The following FBXO11 variants were observed in gnomAD, a reference collection of about 807,000 sequenced individuals.
The protein encoded by FBXO11 is F-box protein 11.
Under a neutral mutation model 117.0 loss-of-function variants are expected in FBXO11, and 13 were observed. That is an observed-to-expected ratio of 0.11 (90% confidence interval 0.07 to 0.18). The LOEUF is 0.18. Ranked by LOEUF, FBXO11 falls within the 10% of genes least tolerant of loss-of-function variation. FBXO11 has a pLI of 1.00. For missense variants in FBXO11, 767 were observed against 1,164.4 expected, an observed-to-expected ratio of 0.66 and a Z score of 4.97; for synonymous variants, 490 against 380.5, an observed-to-expected ratio of 1.29 and a Z score of -3.35.
intron 11 of FBXO11, among the ~76,000 whole-genome samples, chr2:47,826,819 G>A (rs1671790050): frequency 6.6e-6 from 1 of 152,106 alleles, no homozygotes; most frequent in Non-Finnish European, 1.5e-5. Context: ...AGGATGGAGT[G>A]CAGTGGCCCA....
chr2:47,865,008 A>T (rs1175596410), intron 1 of FBXO11, among the ~76,000 whole-genome samples: 1 of 152,236 alleles, frequency 6.6e-6, no homozygotes, highest in African/African-American at 2.4e-5. Context: ...CTATTTATAG[A>T]GTAAAATTTT....
At chr2:47,894,339 A>C (rs192469963) in intron 1 of FBXO11, among the ~76,000 whole-genome samples, 1 of 152,366 alleles carries the variant, frequency 6.6e-6, no homozygotes, top group Non-Finnish European at 1.5e-5. Context: ...AGGGTAGTCA[A>C]GAATATGCAG....
rs543126815 is a variant in FBXO11 at position 47,845,900 on chromosome 2, C to A, written c.233-6131G>T. 3.6e-4 allele frequency among the ~76,000 whole-genome samples: 54 copies of A among 148,748 alleles called. 1 individual carries two copies. Among genetic ancestry groups the A allele is most frequent in the Admixed American group, 1.1e-3 (17 of 15,030 alleles). ...TCCTACTTTACAGGAAAAAAAAAAA[C>A]CAAACAAGAACTGCCTTAACTTCCT... On this transcript the variant is annotated intron_variant, in intron 1 of 22. Transcript: ENST00000403359.
chr2:47,808,102 T>C lies in FBXO11; in HGVS notation c.*16A>G, dbSNP rs1232122085. The C allele has an allele frequency of 2.5e-6, 4 of 1,593,378 alleles. No individual in the cohort carries two copies. Among genetic ancestry groups the C allele is most frequent in the East Asian group, 4.5e-5 (2 of 44,800 alleles). On this transcript the variant is annotated 3_prime_UTR_variant, in exon 23 of 23. Coordinates refer to ENST00000403359, the MANE Select transcript of FBXO11 (RefSeq NM_001190274.2). Reference sequence around the variant, plus strand: ...ATGATGTTACAATGGCAGGACTTTTTCTTTAGGGAAGGAATTCAGTTGTGC... The same window carrying C: ...ATGATGTTACAATGGCAGGACTTTTCCTTTAGGGAAGGAATTCAGTTGTGC...
chr2:47,834,331 C>G (rs1672401909), intron 7 of FBXO11, among the ~76,000 whole-genome samples: 1 of 151,530 alleles, frequency 6.6e-6, no homozygotes, highest in Non-Finnish European at 1.5e-5. Flanking sequence ...GCCTGAGTGA[C>G]ATAGCTAGAC....
At chr2:47,892,290 T>C (rs1211289765) in intron 1 of FBXO11, among the ~76,000 whole-genome samples, 1 of 152,218 alleles carries the variant, frequency 6.6e-6, no homozygotes, top group Admixed American at 6.5e-5. Flanking sequence ...GCCACCACCA[T>C]CTCAAGATAT....
chr2:47,838,996 A>G lies in FBXO11; in HGVS notation c.450T>C (p.Pro150=), dbSNP rs1488250658. ...GTTTCTCCTGAAGATACTGTTCAGC[A>G]GGTGCTGCTATAAAGAGATTAACAT... is the stretch of plus-strand genomic sequence containing the variant. ...SGKSQDLSAA[P]AEQYLQEKLP... Residue 150 remains proline (P), a synonymous_variant, in exon 4 of 23, where the codon CCT becomes CCC. Coordinates refer to ENST00000403359, the MANE Select transcript of FBXO11 (RefSeq NM_001190274.2). 1 of 1,613,332 alleles carries G rather than the reference A, an allele frequency of 6.2e-7. No homozygotes were observed. Among genetic ancestry groups the G allele is most frequent in the Non-Finnish European group, 8.5e-7 (1 of 1,179,612 alleles).
chr2:47,853,807 C>A (rs1674067010), intron 1 of FBXO11, among the ~76,000 whole-genome samples: 4 of 152,112 alleles, frequency 2.6e-5, no homozygotes, highest in African/African-American at 9.7e-5. Context: ...TTACCAAGGT[C>A]CACTCAAAAT....
intron 1 of FBXO11, among the ~76,000 whole-genome samples, chr2:47,892,307 A>C (rs17037040): frequency 0.055 from 8,373 of 152,314 alleles, 249 homozygotes; most frequent in Non-Finnish European, 0.069. Flanking sequence ...ATATTAGTTA[A>C]CATTTCACCA....
At position 47,847,981 on chromosome 2, in the gene FBXO11, G is replaced by T. The variant is rs559456640; in HGVS notation, c.233-8212C>A. On this transcript the variant is annotated intron_variant, in intron 1 of 22. Transcript: ENST00000403359. ...CTACTAAAAATACAAAAAATTAGCC[G>T]GGCGTGGTGACGGGTGCTTGTAGTC... Among the ~76,000 whole-genome samples, 10 of 151,734 alleles carry T rather than the reference G, an allele frequency of 6.6e-5. No individual in the cohort carries two copies. In the South Asian group the frequency reaches 2.1e-3, roughly 32 times the overall value.
At chr2:47,844,822 G>A (rs1213237147) in intron 1 of FBXO11, among the ~76,000 whole-genome samples, 2 of 152,076 alleles carry the variant, frequency 1.3e-5, no homozygotes, top group African/African-American at 4.8e-5. Flanking sequence ...TTTCTGTAGA[G>A]ACATGGTTTT....
At chr2:47,892,930 C>T (rs910250070) in intron 1 of FBXO11, among the ~76,000 whole-genome samples, 1 of 151,808 alleles carries the variant, frequency 6.6e-6, no homozygotes, top group African/African-American at 2.4e-5. Flanking sequence ...GAAGTGTGGT[C>T]CAAAGGTAAT....
intron 1 of FBXO11, among the ~76,000 whole-genome samples, chr2:47,871,933 G>A (rs937557971): frequency 2.6e-5 from 4 of 152,114 alleles, no homozygotes; most frequent in African/African-American, 9.7e-5. Context: ...TATATATTTT[G>A]ATGTTTTTAA....
Position 47,898,385 on chromosome 2 carries a change from A to AG in FBXO11, c.232+7103dup, listed in dbSNP as rs1234672329. Among the ~76,000 whole-genome samples the AG allele has an allele frequency of 2.0e-5, 3 of 152,362 alleles. No homozygotes were observed. In the East Asian group the frequency reaches 5.8e-4, roughly 29 times the overall value. On this transcript the variant is annotated intron_variant, in intron 1 of 22. Transcript: ENST00000403359. ...ATAAGAAACACACCAAACCATGGTGAGAAAAGAATATTTAGTCCACAAACC... is the reference window on the plus strand; with the variant it reads ...ATAAGAAACACACCAAACCATGGTGAGGAAAAGAATATTTAGTCCACAAACC...
chr2:47,900,581 CATATATACGTATATACACACGT>C (rs1678043270), intron 1 of FBXO11, among the ~76,000 whole-genome samples: 1 of 116,584 alleles, frequency 8.6e-6, no homozygotes, highest in African/African-American at 3.0e-5. Flanking sequence ...CGTATACACA[CATATATACGTATATACACACGT>C]ATACACACGT....
At chr2:47,815,045 T>C (rs1473886482) in intron 16 of FBXO11, among the ~76,000 whole-genome samples, 3 of 152,206 alleles carry the variant, frequency 2.0e-5, no homozygotes, top group East Asian at 3.8e-4. Flanking sequence ...TCTACTTCTC[T>C]TGCAATTTCT....
chr2:47,874,487 A>T (rs1383444677), intron 1 of FBXO11, among the ~76,000 whole-genome samples: 1 of 152,042 alleles, frequency 6.6e-6, no homozygotes, highest in Non-Finnish European at 1.5e-5. Context: ...TACAGCAAAT[A>T]CCTCTTTGTA....
chr2:47,827,566 C>T (rs1671852143), intron 11 of FBXO11, among the ~76,000 whole-genome samples: 2 of 152,120 alleles, frequency 1.3e-5, no homozygotes, highest in Non-Finnish European at 2.9e-5. Context: ...CTCGGCTTCC[C>T]GAAGTGCTGG....
chr2:47,849,742 A>G (rs1673711208), intron 1 of FBXO11, among the ~76,000 whole-genome samples: 2 of 152,212 alleles, frequency 1.3e-5, no homozygotes, highest in Non-Finnish European at 2.9e-5. Context: ...AATGGATGAC[A>G]ACTGAGAGTC....
Sources: allele counts gnomAD v4.1 joint callset (sites outside exome capture counted in the v4.1 genomes callset), GRCh38; gene constraint gnomAD v4.1.1; transcripts MANE v1.5; gene names NCBI Gene and HGNC (gene_info 2026-07-23, HGNC 2026-07-21).